The following GPC5 variants were observed in gnomAD, a reference collection of about 807,000 sequenced individuals.
The protein encoded by GPC5 is glypican 5, also known as glypican-5.
In GPC5, 47 loss-of-function variants were observed where a neutral mutation model predicts 53.9. The ratio of observed to expected loss-of-function variants is 0.87; its 90% CI spans 0.69 to 1.11. The LOEUF (loss-of-function observed/expected upper bound fraction) is 1.11. GPC5 is among the 50% of genes most tolerant of loss of function. GPC5 has a pLI of 0.00. For missense variants in GPC5, 748 were observed against 713.1 expected, an observed-to-expected ratio of 1.05 and a Z score of -0.56; for synonymous variants, 286 against 263.3, an observed-to-expected ratio of 1.09 and a Z score of -0.84.
intron 6 of GPC5, among the ~76,000 whole-genome samples, chr13:91,978,831 A>G (rs747961226): frequency 6.6e-6 from 1 of 152,236 alleles, no homozygotes; most frequent in Non-Finnish European, 1.5e-5. Flanking sequence ...GAGTAATATG[A>G]TAGTCCAGGT....
At chr13:91,789,073 G>A (rs1245877451) in intron 5 of GPC5, among the ~76,000 whole-genome samples, 4 of 152,200 alleles carry the variant, frequency 2.6e-5, no homozygotes, top group African/African-American at 9.6e-5. Flanking sequence ...AATTAGCTGG[G>A]CATGGTGGCA....
At chr13:92,500,629 C>T (rs1393692691) in intron 7 of GPC5, among the ~76,000 whole-genome samples, 22 of 151,872 alleles carry the variant, frequency 1.4e-4, no homozygotes, top group Admixed American at 1.2e-3. Flanking sequence ...TACAATTTTT[C>T]CCCCCATCCT....
At chr13:91,526,449 A>G (rs1379335847) in intron 2 of GPC5, among the ~76,000 whole-genome samples, 1 of 152,188 alleles carries the variant, frequency 6.6e-6, no homozygotes, top group East Asian at 1.9e-4. Flanking sequence ...TTCTTCCAAG[A>G]TAAGAAAAAA....
rs1401875348 is a variant in GPC5 at position 91,948,268 on chromosome 13, T to C, written c.1401+40211T>C. On this transcript the variant is annotated intron_variant, in intron 6 of 7. Coordinates refer to ENST00000377067, the MANE Select transcript of GPC5 (RefSeq NM_004466.6). ...ATAAATAATAATAATAATAAATAAA[T>C]AAATATACTTATAATGCTTATTCAT... 2.0e-5 allele frequency among the ~76,000 whole-genome samples: 3 copies of C among 150,464 alleles called. No homozygotes were observed. The East Asian group carries it at 5.8e-4, about 29-fold the overall frequency.
chr13:92,339,560 A>AACT (rs767185092), intron 7 of GPC5, among the ~76,000 whole-genome samples: 164 of 152,196 alleles, frequency 1.1e-3, no homozygotes, highest in Middle Eastern at 6.8e-3. Flanking sequence ...ATAGTATTAT[A>AACT]ACTACCCAAT....
At position 91,690,527 on chromosome 13, in the gene GPC5, A is replaced by G. The variant is rs140893677; in HGVS notation, c.326-2660A>G. On this transcript the variant is annotated intron_variant, in intron 2 of 7. Transcript: ENST00000377067. ...GCTATATTCATTTTTATTTTGAATGAAAACTCCTAAATATTAAATATATTC... is the reference window on the plus strand; with the variant it reads ...GCTATATTCATTTTTATTTTGAATGGAAACTCCTAAATATTAAATATATTC... Among the ~76,000 whole-genome samples, 803 of 152,304 alleles carry G rather than the reference A, an allele frequency of 5.3e-3. 12 individuals are homozygous for G. The highest frequency in any genetic ancestry group is 0.035 in the South Asian group (168 of 4,824).
intron 2 of GPC5, among the ~76,000 whole-genome samples, chr13:91,623,684 G>A (rs529061985): frequency 3.8e-4 from 58 of 152,064 alleles, no homozygotes; most frequent in Non-Finnish European, 7.9e-4. Context: ...ATCTGAATTT[G>A]GCATTGGCAG....
intron 6 of GPC5, among the ~76,000 whole-genome samples, chr13:92,122,047 A>G (rs2041654045): frequency 6.6e-6 from 1 of 152,186 alleles, no homozygotes; most frequent in Non-Finnish European, 1.5e-5. Flanking sequence ...TCTGCCATTC[A>G]TCCAGTGACA....
chr13:92,548,364 A>G (rs1035246556), intron 7 of GPC5, among the ~76,000 whole-genome samples: 1 of 151,538 alleles, frequency 6.6e-6, no homozygotes, highest in African/African-American at 2.4e-5. Context: ...TATACTAGGC[A>G]ATACCTGTAT....
rs1399052121 is a variant in GPC5, at chr13:92,629,489, T to C, written c.1562-236793T>C. ...GTATCTAGCATTTACCTGTACATTA[T>C]AAGAAATGGTGATTTAACTTGTACT... On this transcript the variant is annotated intron_variant, in intron 7 of 7. Coordinates refer to ENST00000377067, the MANE Select transcript of GPC5 (RefSeq NM_004466.6). 2.0e-5 allele frequency among the ~76,000 whole-genome samples: 3 copies of C among 152,158 alleles called. No individual in the cohort carries two copies. In the South Asian group the frequency reaches 6.2e-4, roughly 31 times the overall value.
intron 7 of GPC5, among the ~76,000 whole-genome samples, chr13:92,759,433 G>A (rs1875067882): frequency 6.6e-6 from 1 of 151,584 alleles, no homozygotes; most frequent in Non-Finnish European, 1.5e-5. Flanking sequence ...ATAGTTTTCA[G>A]TTTTTCAACT....
intron 2 of GPC5, among the ~76,000 whole-genome samples, chr13:91,655,869 A>G (rs1424159605): frequency 6.6e-6 from 1 of 152,188 alleles, no homozygotes; most frequent in African/African-American, 2.4e-5. Flanking sequence ...TTCAACTCCC[A>G]GAGGAATCTC....
At chr13:91,913,535 C>G (rs1036572478) in intron 6 of GPC5, among the ~76,000 whole-genome samples, 2 of 152,078 alleles carry the variant, frequency 1.3e-5, no homozygotes, top group African/African-American at 4.8e-5. Context: ...CTTCTCCACA[C>G]CCCCTCAAAA....
intron 2 of GPC5, among the ~76,000 whole-genome samples, chr13:91,514,375 G>T (rs191554383): frequency 6.6e-6 from 1 of 152,132 alleles, no homozygotes; most frequent in East Asian, 1.9e-4. Flanking sequence ...TGTTTAATTT[G>T]CATTTCCCTA....
chr13:91,691,808 C>T (rs1226948165), intron 2 of GPC5, among the ~76,000 whole-genome samples: 1 of 152,092 alleles, frequency 6.6e-6, no homozygotes, highest in East Asian at 1.9e-4. Context: ...TCCTACTCTT[C>T]TTCCACCTAT....
At chr13:92,033,229 C>T (rs1417498516) in intron 6 of GPC5, among the ~76,000 whole-genome samples, 2 of 152,012 alleles carry the variant, frequency 1.3e-5, no homozygotes, top group Non-Finnish European at 2.9e-5. Context: ...AAGTGCTTTC[C>T]AAAGGATCTG....
intron 6 of GPC5, among the ~76,000 whole-genome samples, chr13:91,993,690 G>C (rs559973808): frequency 6.6e-6 from 1 of 152,210 alleles, no homozygotes; most frequent in East Asian, 1.9e-4. Context: ...TCATGAAAAT[G>C]AAATACTCTT....
chr13:92,696,451 T>C (rs1887559979), intron 7 of GPC5, among the ~76,000 whole-genome samples: 1 of 152,350 alleles, frequency 6.6e-6, no homozygotes, highest in Non-Finnish European at 1.5e-5. Flanking sequence ...TGACCAGTGA[T>C]GATTAGCTTT....
At chr13:92,801,507 T>C (rs1202014866) in intron 7 of GPC5, among the ~76,000 whole-genome samples, 1 of 151,856 alleles carries the variant, frequency 6.6e-6, no homozygotes, top group South Asian at 2.1e-4. Flanking sequence ...TTTGAGTGCT[T>C]AATACACTAT....
Sources: allele counts gnomAD v4.1 joint callset (sites outside exome capture counted in the v4.1 genomes callset), GRCh38; gene constraint gnomAD v4.1.1; transcripts MANE v1.5; gene names NCBI Gene and HGNC (gene_info 2026-07-23, HGNC 2026-07-21).